The following ITGA2 variants were observed in gnomAD, a reference collection of about 807,000 sequenced individuals.
ITGA2 encodes integrin subunit alpha 2, also known as integrin alpha-2.
A neutral mutation model predicts 146.3 loss-of-function variants in ITGA2; 101 were observed. That is an observed-to-expected ratio of 0.69 (90% CI 0.59 to 0.81). ITGA2 has a LOEUF of 0.81. Ranked by LOEUF, ITGA2 falls within the 40% of genes least tolerant of loss-of-function variation. The pLI, the probability that ITGA2 is intolerant of heterozygous loss-of-function variation, is 0.00. For synonymous variants in ITGA2, 477 were observed against 487.1 expected (o/e 0.98, Z 0.27); for missense variants, 1,281 against 1,402.7 (o/e 0.91, Z 1.39).
intron 10 of ITGA2, among the ~76,000 whole-genome samples, chr5:53,058,810 G>C (rs1205435575): frequency 6.6e-6 from 1 of 151,872 alleles, no homozygotes; most frequent in African/African-American, 2.4e-5. Flanking sequence ...ACTTTTTCTG[G>C]ATCATCAATC....
chr5:53,075,130 GC>G lies in ITGA2; in HGVS notation c.2736del (p.Leu913Ter). On this transcript the variant is annotated frameshift_variant, in exon 22 of 30. Transcript: ENST00000296585. LOFTEE classifies it high-confidence loss of function. ...GAATCAGGCGTCTCTCAGTTTCCAAGCCTTAAGGTAAAACATAATGAAGTCA... is the reference window on the plus strand; with the variant it reads ...GAATCAGGCGTCTCTCAGTTTCCAAGCTTAAGGTAAAACATAATGAAGTCA... ...LQNQASLSFQ[A>X]LSESQEENKA... The G allele has an allele frequency of 6.2e-7, 1 of 1,611,484 alleles. No individual in the cohort carries two copies. Among genetic ancestry groups the G allele is most frequent in the Non-Finnish European group, 8.5e-7 (1 of 1,178,268 alleles).
At chr5:53,065,653 G>A in intron 14 of ITGA2, 188 bp from the exon 15 acceptor site, 1 of 680,242 alleles carries the variant, frequency 1.5e-6, no homozygotes, top group South Asian at 1.8e-5. Flanking sequence ...CGATGAAAAT[G>A]TGGCTGTAAG....
chr5:53,045,157 A>G, intron 4 of ITGA2, 65 bp downstream of exon 4: 2 of 1,187,478 alleles, frequency 1.7e-6, no homozygotes, highest in East Asian at 4.7e-5. Flanking sequence ...GTGTCTTCTC[A>G]CCATCCCTCC....
chr5:53,047,569 CTTA>C, intron 4 of ITGA2, among the ~76,000 whole-genome samples: 1 of 152,296 alleles, frequency 6.6e-6, no homozygotes, highest in African/African-American at 2.4e-5. Flanking sequence ...TTTGTGTTTG[CTTA>C]GCATATGGAG....
intron 1 of ITGA2, among the ~76,000 whole-genome samples, chr5:53,009,748 A>T (rs1380428502): frequency 6.6e-6 from 1 of 152,056 alleles, no homozygotes; most frequent in African/African-American, 2.4e-5. Flanking sequence ...CCCCAGTGTG[A>T]TGGCATTTGG....
At chr5:53,074,571 G>A in intron 21 of ITGA2, 94 bp downstream of exon 21, 1 of 976,396 alleles carries the variant, frequency 1.0e-6, no homozygotes, top group Non-Finnish European at 1.6e-6. Context: ...TGATTTGATA[G>A]GCATCACAAA....
Position 53,072,043 on chromosome 5 carries a change from T to C in ITGA2, c.2341T>C (p.Phe781Leu), listed in dbSNP as rs1443252374. ...LEAYSETAKV[F>L]SIPFHKDCGE... ...AGCCTATTCTGAGACTGCCAAGGTCTTCAGTGTAAGTGCAGCTTACACTTC... is the reference window on the plus strand; with the variant it reads ...AGCCTATTCTGAGACTGCCAAGGTCCTCAGTGTAAGTGCAGCTTACACTTC... Residue 781 changes from phenylalanine to leucine, a missense_variant, in exon 18 of 30, where the codon TTC (phenylalanine) becomes CTC (leucine). Physicochemically the swap from Phe to Leu is conservative, Grantham distance 22. Transcript: ENST00000296585. 1.2e-6 allele frequency: 2 copies of C among 1,607,416 alleles called. No individual in the cohort carries two copies. The highest frequency in any genetic ancestry group is 4.5e-5 in the East Asian group (2 of 44,716).
intron 1 of ITGA2, among the ~76,000 whole-genome samples, chr5:53,013,085 A>C (rs1579797758): frequency 6.6e-6 from 1 of 152,020 alleles, no homozygotes; most frequent in Non-Finnish European, 1.5e-5. Context: ...ATTTTGCTGT[A>C]CAGAAGCTTT....
At chr5:53,059,714 A>G (rs1050533706) in intron 10 of ITGA2, among the ~76,000 whole-genome samples, 160 bp from the exon 11 acceptor site, 8 of 151,988 alleles carry the variant, frequency 5.3e-5, no homozygotes, top group Non-Finnish European at 1.2e-4. Context: ...TCTCTAGCAC[A>G]AATATATTAA....
chr5:52,997,124 GT>G (rs2111673707), intron 1 of ITGA2, among the ~76,000 whole-genome samples: 1 of 152,314 alleles, frequency 6.6e-6, no homozygotes, highest in East Asian at 1.9e-4. Context: ...TTTAGAACCA[GT>G]ATAAACTTGA....
In ITGA2 at chr5:52,989,380, T is replaced by G. The variant is rs543948644; in HGVS notation, c.-89T>G. Reference sequence around the variant, plus strand: ...GAAGCCCTCTGGACAGCTTCTAGAGTGTGCAGGTTCTCGTATCCCTCGGCC... The same window carrying G: ...GAAGCCCTCTGGACAGCTTCTAGAGGGTGCAGGTTCTCGTATCCCTCGGCC... On this transcript the variant is annotated 5_prime_UTR_variant, in exon 1 of 30. Coordinates refer to ENST00000296585, the MANE Select transcript of ITGA2 (RefSeq NM_002203.4). 1 of 1,335,454 alleles carries G rather than the reference T, an allele frequency of 7.5e-7. No homozygotes were observed. The allele number at this position is 1,335,454 out of a possible 1,614,324, so 82.7% of individuals were successfully genotyped here.
At chr5:53,069,637 A>G (rs1485508752) in intron 16 of ITGA2, among the ~76,000 whole-genome samples, 1 of 151,912 alleles carries the variant, frequency 6.6e-6, no homozygotes, top group Non-Finnish European at 1.5e-5. Flanking sequence ...TACATCACTT[A>G]TTCTAGTACA....
intron 1 of ITGA2, among the ~76,000 whole-genome samples, chr5:53,012,891 A>T (rs995445363): frequency 7.9e-5 from 12 of 151,970 alleles, no homozygotes; most frequent in Non-Finnish European, 1.2e-4. Flanking sequence ...GGCCACATGT[A>T]TTTCTTCTTT....
At chr5:53,047,728 A>G (rs1026438096) in intron 4 of ITGA2, among the ~76,000 whole-genome samples, 1 of 152,198 alleles carries the variant, frequency 6.6e-6, no homozygotes, top group Admixed American at 6.5e-5. Context: ...TTCATTCACC[A>G]TGATGTCTAT....
intron 1 of ITGA2, among the ~76,000 whole-genome samples, chr5:53,014,688 T>C (rs944044288): frequency 1.3e-5 from 2 of 152,180 alleles, no homozygotes; most frequent in South Asian, 2.1e-4. Flanking sequence ...AGCTCTTCTT[T>C]ATACATCTGG....
chr5:53,051,288 G>A (rs780607340), intron 6 of ITGA2, 123 bp from the exon 7 acceptor site: 13 of 947,708 alleles, frequency 1.4e-5, no homozygotes, highest in Non-Finnish European at 1.8e-5. Context: ...AACAAAGTTG[G>A]AAGTGATGCC....
chr5:53,064,187 C>T (rs1485805093), intron 13 of ITGA2, among the ~76,000 whole-genome samples: 2 of 151,894 alleles, frequency 1.3e-5, no homozygotes, highest in African/African-American at 4.8e-5. Flanking sequence ...GTAATTTTTA[C>T]AGAAAGCCTA....
At chr5:53,072,421 CT>C (rs1407809834) in intron 18 of ITGA2, among the ~76,000 whole-genome samples, 191 bp from the exon 19 acceptor site, 10 of 151,312 alleles carry the variant, frequency 6.6e-5, no homozygotes, top group Non-Finnish European at 1.3e-4. Context: ...CTAGCTCCCC[CT>C]GTGCAAATGA....
In ITGA2 at chr5:53,048,263, T is replaced by G. The variant is rs1744187668; in HGVS notation, c.388-100T>G. The G allele has an allele frequency of 3.3e-6, 3 of 896,690 alleles. No homozygotes were observed. The East Asian group carries it at 7.3e-5, about 22-fold the overall frequency. 55.5% of individuals were successfully genotyped at this position (896,690 alleles called of 1,614,324 possible). A position where few individuals can be genotyped will look rare whatever the true frequency, so the allele number is the denominator to read the frequency against. On this transcript the variant is annotated intron_variant, in intron 4 of 29. Coordinates refer to ENST00000296585, the MANE Select transcript of ITGA2 (RefSeq NM_002203.4). ...TTTTGAGTTGACAATTATTAGTATC[T>G]TAGAAAAGAGTAGAGATGATTTCTG...
Sources: allele counts gnomAD v4.1 joint callset (sites outside exome capture counted in the v4.1 genomes callset), GRCh38; gene constraint gnomAD v4.1.1; transcripts MANE v1.5; gene names NCBI Gene and HGNC (gene_info 2026-07-23, HGNC 2026-07-21).